Variants in PHIP observed in about 807,000 individuals in gnomAD.
The protein encoded by PHIP is PH-interacting protein.
Under a neutral mutation model 236.8 loss-of-function variants are expected in PHIP, and 54 were observed. The observed-to-expected ratio is 0.23, with a 90% CI of 0.18 to 0.29. The LOEUF (loss-of-function observed/expected upper bound fraction) is 0.29. PHIP is among the 10% of genes least tolerant of loss of function. The pLI is 1.00. For synonymous variants in PHIP, 756 were observed against 718.9 expected (o/e 1.05, Z -0.83); for missense variants, 1,370 against 2,190.8 (o/e 0.63, Z 7.48).
chr6:79,070,788 T>C (rs1437951801), intron 4 of PHIP, among the ~76,000 whole-genome samples: 1 of 152,238 alleles, frequency 6.6e-6, no homozygotes, highest in Non-Finnish European at 1.5e-5. Flanking sequence ...CATCTCTAGA[T>C]TACTTATAAT....
At chr6:79,059,444 T>G (rs982027797) in intron 6 of PHIP, among the ~76,000 whole-genome samples, 1 of 151,368 alleles carries the variant, frequency 6.6e-6, no homozygotes, top group East Asian at 1.9e-4. Context: ...AGTTAGATAG[T>G]AGATTTAAAC....
intron 7 of PHIP, among the ~76,000 whole-genome samples, chr6:79,040,518 T>C (rs566958642): frequency 3.3e-5 from 5 of 152,130 alleles, no homozygotes; most frequent in Non-Finnish European, 5.9e-5. Flanking sequence ...TAACAGTATG[T>C]TCTCTCACAG....
At chr6:78,952,222 C>T (rs1441389678) in intron 35 of PHIP, among the ~76,000 whole-genome samples, 1 of 151,968 alleles carries the variant, frequency 6.6e-6, no homozygotes, top group African/African-American at 2.4e-5. Flanking sequence ...AGATTGAGAC[C>T]ATCCTGGCCA....
rs1439997291 is a variant in PHIP, at chr6:78,934,692, CTGGCTATT to C, written c.*5993_*6000del. On this transcript the variant is annotated 3_prime_UTR_variant, in exon 40 of 40. Coordinates refer to ENST00000275034, the MANE Select transcript of PHIP (RefSeq NM_017934.7). ...CAGTATACAAATGAGATTATCACCACTGGCTATTTGAACAGAATTAGACCTCACAGATA... is the reference window on the plus strand; with the variant it reads ...CAGTATACAAATGAGATTATCACCACTGAACAGAATTAGACCTCACAGATA... Among the ~76,000 whole-genome samples, 2 of 152,166 alleles carry C rather than the reference CTGGCTATT, an allele frequency of 1.3e-5. No homozygotes were observed. Among genetic ancestry groups the C allele is most frequent in the Admixed American group, 1.3e-4 (2 of 15,270 alleles).
Position 78,978,682 on chromosome 6 carries a change from AT to A in PHIP, c.2798del (p.Asn933MetfsTer3). The A allele has an allele frequency of 6.3e-7, 1 of 1,594,964 alleles. No homozygotes were observed. The highest frequency in any genetic ancestry group is 8.6e-7 in the Non-Finnish European group (1 of 1,166,774). ...GCAACCATTCTTCTAATGTCAAACCATTTTCAGTTAGTTCTCCCACAGCCAA... is the reference window on the plus strand; with the variant it reads ...GCAACCATTCTTCTAATGTCAAACCATTTCAGTTAGTTCTCCCACAGCCAA... ...KRLAVGELTENGLTLEEWLPS... is the reference protein window; with the variant it reads ...KRLAVGELTEXGLTLEEWLPS... On this transcript the variant is annotated frameshift_variant, in exon 24 of 40. Transcript: ENST00000275034. LOFTEE classifies it high-confidence loss of function.
intron 6 of PHIP, among the ~76,000 whole-genome samples, chr6:79,049,332 G>A (rs576082314): frequency 1.2e-3 from 185 of 152,106 alleles, no homozygotes; most frequent in Non-Finnish European, 1.0e-3. Flanking sequence ...AAAGTGCTGG[G>A]ATTACAGGCG....
intron 9 of PHIP, among the ~76,000 whole-genome samples, chr6:79,022,596 C>T (rs1410608346): frequency 6.6e-6 from 1 of 152,106 alleles, no homozygotes; most frequent in Non-Finnish European, 1.5e-5. Context: ...GCAGACTAAG[C>T]GCCTAATAAT....
chr6:78,949,348 G>A (rs942250876), intron 35 of PHIP, among the ~76,000 whole-genome samples: 1 of 152,090 alleles, frequency 6.6e-6, no homozygotes, highest in African/African-American at 2.4e-5. Context: ...CTGAGAACAT[G>A]TCTTTCATAT....
rs1053054217 is a variant in PHIP, at chr6:79,077,709, G to C, written c.120C>G (p.Ala40=). Reference sequence around the variant, plus strand: ...CCGCCGCCGCCCTTACCTCCTTCTCGGCCACCTCGCGGATCAGCACCTGCA... The same window carrying C: ...CCGCCGCCGCCCTTACCTCCTTCTCCGCCACCTCGCGGATCAGCACCTGCA... ...QAAQVLIREV[A]EKELLPRRTD... The change falls in exon 3 of 40, where the codon GCC becomes GCG. Residue 40 remains alanine (A), a synonymous_variant. Transcript: ENST00000275034. 8 of 1,012,562 alleles carry C rather than the reference G, an allele frequency of 7.9e-6. No homozygotes were observed. The highest frequency in any genetic ancestry group is 3.7e-5 in the South Asian group (1 of 27,080). The allele number at this position is 1,012,562 out of a possible 1,614,324, so 62.7% of individuals were successfully genotyped here. A position where few individuals can be genotyped will look rare whatever the true frequency, so the allele number is the denominator to read the frequency against.
intron 4 of PHIP, among the ~76,000 whole-genome samples, chr6:79,074,237 T>G (rs943008118): frequency 6.6e-6 from 1 of 151,990 alleles, no homozygotes; most frequent in Admixed American, 6.5e-5. Flanking sequence ...TTTAACAGAT[T>G]GGCAAAACAT....
At chr6:79,077,750 G>C (rs1482796922) in intron 2 of PHIP, 21 bp from the exon 3 acceptor site, 1 of 995,394 alleles carries the variant, frequency 1.0e-6, no homozygotes. Flanking sequence ...AAAGCGGGGA[G>C]AGCTGAGCCC....
intron 7 of PHIP, among the ~76,000 whole-genome samples, chr6:79,034,156 G>T (rs563738943): frequency 1.3e-5 from 2 of 152,132 alleles, no homozygotes; most frequent in African/African-American, 4.8e-5. Flanking sequence ...AGCATATGTT[G>T]TTAGAAAAAT....
Position 78,938,245 on chromosome 6 carries a change from A to G in PHIP, c.*2448T>C, listed in dbSNP as rs1773344565. 1 of 151,720 alleles carries G rather than the reference A, an allele frequency of 6.6e-6. No homozygotes were observed. Among genetic ancestry groups the G allele is most frequent in the Admixed American group, 6.6e-5 (1 of 15,240 alleles). The allele number at this position is 151,720 out of a possible 1,614,324, so 9.4% of individuals were successfully genotyped here. On this transcript the variant is annotated 3_prime_UTR_variant, in exon 40 of 40. Transcript: ENST00000275034. The stretch of plus-strand genomic sequence containing the variant: ...GTGCTTTACTAAGAAACCAGTGTCT[A>G]ATAATGTCCAAATAAGGTCATAAAT...
chr6:78,973,790 T>C (rs889101317), intron 24 of PHIP, among the ~76,000 whole-genome samples: 2 of 151,890 alleles, frequency 1.3e-5, no homozygotes, highest in African/African-American at 4.8e-5. Context: ...GGCCATTACA[T>C]AATGGTAAAG....
chr6:78,962,001 C>T (rs1250782377), intron 30 of PHIP, among the ~76,000 whole-genome samples, 191 bp from the exon 31 acceptor site: 1 of 151,986 alleles, frequency 6.6e-6, no homozygotes, highest in Non-Finnish European at 1.5e-5. Context: ...TTTACACTGC[C>T]AAATTCTAGG....
intron 4 of PHIP, among the ~76,000 whole-genome samples, chr6:79,063,095 G>A (rs572249469): frequency 6.6e-6 from 1 of 152,198 alleles, no homozygotes; most frequent in Admixed American, 6.5e-5. Context: ...AAATACACAA[G>A]CCCTACCATT....
At chr6:78,997,013 T>G (rs1395646382) in intron 19 of PHIP, among the ~76,000 whole-genome samples, 1 of 150,846 alleles carries the variant, frequency 6.6e-6, no homozygotes, top group Non-Finnish European at 1.5e-5. Flanking sequence ...TATTTTCCAA[T>G]TTATTTTTTT....
intron 27 of PHIP, among the ~76,000 whole-genome samples, chr6:78,969,170 C>T (rs1335918211): frequency 3.3e-5 from 5 of 152,150 alleles, no homozygotes; most frequent in African/African-American, 1.2e-4. Flanking sequence ...TTTCTCCTTA[C>T]AGAGCACATA....
intron 6 of PHIP, among the ~76,000 whole-genome samples, chr6:79,051,270 A>G (rs1277438008): frequency 6.6e-6 from 1 of 152,094 alleles, no homozygotes; most frequent in Non-Finnish European, 1.5e-5. Context: ...AAACAGGACA[A>G]ATAAATCACC....
Sources: allele counts gnomAD v4.1 joint callset (sites outside exome capture counted in the v4.1 genomes callset), GRCh38; gene constraint gnomAD v4.1.1; transcripts MANE v1.5; gene names NCBI Gene and HGNC (gene_info 2026-07-23, HGNC 2026-07-21).